Variants in KLF15 observed in about 807,000 individuals in gnomAD.
KLF15 encodes the protein Krueppel-like factor 15.
A neutral mutation model predicts 24.6 loss-of-function variants in KLF15; 4 were observed. The observed-to-expected ratio is 0.16, with a 90% CI of 0.08 to 0.37. The LOEUF is 0.37. Among genes scored for constraint, KLF15 ranks in the 10% least tolerant of loss-of-function variants. The pLI, the probability that KLF15 is intolerant of heterozygous loss-of-function variation, is 1.00. For missense variants in KLF15, 496 were observed against 560.6 expected (o/e 0.88, Z 1.16); for synonymous variants, 246 against 236.3 (o/e 1.04, Z -0.37).
intron 2 of KLF15, among the ~76,000 whole-genome samples, chr3:126,348,005 TC>T (rs2107553732): frequency 6.6e-6 from 1 of 151,870 alleles, no homozygotes; most frequent in South Asian, 2.1e-4. Context: ...AGTGGAGAGC[TC>T]CCCCACGGGG....
At chr3:126,323,429 A>AC in the KLF15 span, among the ~76,000 whole-genome samples, 85 of 49,042 alleles carry the variant, frequency 1.7e-3, 5 homozygotes, top group African/African-American at 5.4e-3. Context: ...ATATATATAT[A>AC]TATATAACAT....
the KLF15 span, among the ~76,000 whole-genome samples, chr3:126,300,008 C>T: frequency 6.6e-6 from 1 of 152,094 alleles, no homozygotes; most frequent in Non-Finnish European, 1.5e-5. Context: ...TACGTGCCCC[C>T]ACGTGTGGTG....
chr3:126,355,176 T>C (rs990483933), intron 1 of KLF15, among the ~76,000 whole-genome samples: 10 of 152,252 alleles, frequency 6.6e-5, no homozygotes, highest in Non-Finnish European at 7.3e-5. Context: ...AAGTAATTAC[T>C]GTTAATATTT....
the KLF15 span, among the ~76,000 whole-genome samples, chr3:126,323,410 T>TATATATATATATATATATATAAC: frequency 6.0e-5 from 2 of 33,184 alleles, no homozygotes; most frequent in African/African-American, 4.0e-4. Flanking sequence ...TAGTTATATA[T>TATATATATATATATATATATAAC]ATATATATAT....
the KLF15 span, among the ~76,000 whole-genome samples, chr3:126,300,101 T>C: frequency 1.3e-5 from 2 of 152,214 alleles, no homozygotes; most frequent in East Asian, 1.9e-4. Context: ...ATCATCCTGC[T>C]GTGTATCAGC....
At chr3:126,337,588 T>C in the KLF15 span, among the ~76,000 whole-genome samples, 3 of 135,834 alleles carry the variant, frequency 2.2e-5, no homozygotes, top group Admixed American at 2.2e-4. Flanking sequence ...AAAAAAAAAG[T>C]CTAGTGGGAA....
the KLF15 span, among the ~76,000 whole-genome samples, chr3:126,325,056 G>A: frequency 4.6e-5 from 4 of 87,790 alleles, no homozygotes; most frequent in South Asian, 5.0e-4. Flanking sequence ...GAGAATATGC[G>A]GTGTTTGGTT....
intron 2 of KLF15, among the ~76,000 whole-genome samples, chr3:126,349,054 A>G (rs533688624): frequency 1.3e-5 from 2 of 152,202 alleles, no homozygotes; most frequent in South Asian, 4.2e-4. Context: ...AGCGGGGTCC[A>G]TCCTCCCTCC....
chr3:126,328,953 C>T, the KLF15 span, among the ~76,000 whole-genome samples: 11 of 152,218 alleles, frequency 7.2e-5, 1 homozygote, highest in South Asian at 8.3e-4. Flanking sequence ...CAGATATATT[C>T]GGATTGTTGA....
chr3:126,303,028 T>C, the KLF15 span, among the ~76,000 whole-genome samples: 1 of 151,134 alleles, frequency 6.6e-6, no homozygotes, highest in Non-Finnish European at 1.5e-5. Context: ...GGCTTATATC[T>C]ATAACTGTTA....
chr3:126,322,961 T>C, the KLF15 span, among the ~76,000 whole-genome samples: 1 of 151,926 alleles, frequency 6.6e-6, no homozygotes, highest in Non-Finnish European at 1.5e-5. Context: ...GCCTGTTCTC[T>C]GACTCTGCAA....
chr3:126,356,352 G>C lies in KLF15; in HGVS notation c.-26+885C>G, dbSNP rs2082632508. Among the ~76,000 whole-genome samples the C allele has an allele frequency of 6.6e-6, 1 of 152,148 alleles. No homozygotes were observed. Among genetic ancestry groups the C allele is most frequent in the Non-Finnish European group, 1.5e-5 (1 of 68,034 alleles). On this transcript the variant is annotated intron_variant, in intron 1 of 2. Coordinates refer to ENST00000296233, the MANE Select transcript of KLF15 (RefSeq NM_014079.4). The surrounding 1 kb of genome is among the most constrained non-coding windows in gnomAD (Gnocchi z 4.4). Reference sequence around the variant, plus strand: ...CAATTGTTGATTTTGTCACCTCCGAGGGCCGTGGGAGAAAACAGCCCCTCT... The same window carrying C: ...CAATTGTTGATTTTGTCACCTCCGACGGCCGTGGGAGAAAACAGCCCCTCT...
the KLF15 span, among the ~76,000 whole-genome samples, chr3:126,333,407 A>G: frequency 6.6e-6 from 1 of 151,016 alleles, no homozygotes; most frequent in Non-Finnish European, 1.5e-5. Flanking sequence ...GCCCTAAAAG[A>G]GCTCCTGAAG....
At chr3:126,327,875 A>G in the KLF15 span, among the ~76,000 whole-genome samples, 1 of 152,228 alleles carries the variant, frequency 6.6e-6, no homozygotes, top group Admixed American at 6.5e-5. Flanking sequence ...ACAGACTTGT[A>G]TATATACTTT....
At chr3:126,323,463 CATATATATGTTATAT>C in the KLF15 span, among the ~76,000 whole-genome samples, 1 of 75,454 alleles carries the variant, frequency 1.3e-5, no homozygotes, top group Non-Finnish European at 2.3e-5. Context: ...ATATATATAA[CATATATATGTTATAT>C]ATATATATAA....
At chr3:126,327,827 G>C in the KLF15 span, among the ~76,000 whole-genome samples, 1 of 152,182 alleles carries the variant, frequency 6.6e-6, no homozygotes, top group Non-Finnish European at 1.5e-5. Context: ...AAAATGTTTA[G>C]ATTGTTCACA....
chr3:126,350,018 G>A (rs2082570339), intron 2 of KLF15, among the ~76,000 whole-genome samples: 1 of 152,182 alleles, frequency 6.6e-6, no homozygotes, highest in Non-Finnish European at 1.5e-5. Context: ...GGCTGCAAAG[G>A]GCTAGCCCTC....
chr3:126,314,118 C>T, the KLF15 span, among the ~76,000 whole-genome samples: 973 of 152,242 alleles, frequency 6.4e-3, 11 homozygotes, highest in African/African-American at 0.022. Flanking sequence ...CAGGCTGTGT[C>T]ACTCCCTCGC....
chr3:126,355,592 AC>A lies in KLF15; in HGVS notation c.-26+1644del, dbSNP rs548721488. Among the ~76,000 whole-genome samples, 43 of 152,328 alleles carry A rather than the reference AC, an allele frequency of 2.8e-4. No homozygotes were observed. In the South Asian group the frequency reaches 8.9e-3, roughly 32 times the overall value. ...TTCCCTGCAGTTTCTACTGTGGGAA[AC>A]TATCTTGGTGATGTGTTTGTGAACT... On this transcript the variant is annotated intron_variant, in intron 1 of 2. Transcript: ENST00000296233.
Sources: allele counts gnomAD v4.1 joint callset (sites outside exome capture counted in the v4.1 genomes callset), GRCh38; gene constraint gnomAD v4.1.1; non-coding constraint Gnocchi (gnomAD v3.1); transcripts MANE v1.5; gene names NCBI Gene and HGNC (gene_info 2026-07-23, HGNC 2026-07-21).